The following ANKS6 variants were observed in gnomAD, a reference collection of about 807,000 sequenced individuals.
The protein encoded by ANKS6 is ankyrin repeat and SAM domain-containing protein 6.
Under a neutral mutation model 77.9 loss-of-function variants are expected in ANKS6, and 47 were observed. The observed-to-expected ratio is 0.60, with a 90% CI of 0.48 to 0.77. The LOEUF is 0.77. ANKS6 is among the 30% of genes least tolerant of loss of function. The pLI is 0.00. For missense variants in ANKS6, 1,150 were observed against 1,159.1 expected (o/e 0.99, Z 0.11); for synonymous variants, 488 against 501.7 (o/e 0.97, Z 0.37).
chr9:98,790,256 C>T lies in ANKS6; in HGVS notation c.710G>A (p.Arg237Gln), dbSNP rs771217992. 34 of 1,605,514 alleles carry T rather than the reference C, an allele frequency of 2.1e-5. No homozygotes were observed. The highest frequency in any genetic ancestry group is 5.3e-5 in the African/African-American group (4 of 74,788). The change falls in exon 2 of 15, where the codon CGG becomes CAG. Residue 237 changes from arginine (R) to glutamine (Q), a missense_variant. Transcript: ENST00000353234. ...CACCAGCTGCTGGGCCACTCCAAGCCGCCCAGTGAGTGCGGCCAGCATCAG... is the reference window on the plus strand; with the variant it reads ...CACCAGCTGCTGGGCCACTCCAAGCTGCCCAGTGAGTGCGGCCAGCATCAG... ...SPLMLAALTGRLGVAQQLVEK... is the reference protein window; with the variant it reads ...SPLMLAALTGQLGVAQQLVEK...
intron 13 of ANKS6, 103 bp downstream of exon 13, chr9:98,750,926 T>G (rs1411565076): frequency 5.7e-5 from 50 of 880,770 alleles, no homozygotes; most frequent in Non-Finnish European, 8.7e-5. Context: ...ACTGTCTCAG[T>G]GCAAGAGATC....
In ANKS6 at chr9:98,796,166, T is replaced by A. The variant is rs1221369065; in HGVS notation, c.326A>T (p.His109Leu). 2.1e-6 allele frequency: 3 copies of A among 1,412,146 alleles called. No homozygotes were observed. In the Admixed American group the frequency reaches 8.5e-5, roughly 40 times the overall value. 87.5% of individuals were successfully genotyped at this position (1,412,146 alleles called of 1,614,324 possible). A position where few individuals can be genotyped will look rare whatever the true frequency, so the allele number is the denominator to read the frequency against. ...RRGASVNSRN[H>L]YGWSALMQAA... ...CTGCATGAGCGCGCTCCAGCCGTAG[T>A]GGTTGCGGCTGTTGACCGAGGCACC... Residue 109 changes from histidine (H) to leucine (L), a missense_variant, in exon 1 of 15, where the codon CAC becomes CTC. His to Leu is a moderately conservative substitution (Grantham distance 99). Transcript: ENST00000353234.
chr9:98,753,246 G>A (rs920766525), intron 12 of ANKS6, among the ~76,000 whole-genome samples: 31 of 152,108 alleles, frequency 2.0e-4, no homozygotes, highest in Non-Finnish European at 1.2e-4. Flanking sequence ...CAGCCAAGGA[G>A]TATGGTTCCA....
intron 6 of ANKS6, among the ~76,000 whole-genome samples, chr9:98,778,939 TG>T (rs1031933994): frequency 3.3e-5 from 5 of 152,136 alleles, no homozygotes; most frequent in African/African-American, 9.7e-5. Context: ...CACTACCTCC[TG>T]GGAACGCTTG....
intron 11 of ANKS6, among the ~76,000 whole-genome samples, chr9:98,758,717 G>T (rs371981569): frequency 2.0e-5 from 3 of 152,168 alleles, no homozygotes; most frequent in African/African-American, 7.2e-5. Flanking sequence ...CACAGAGTTT[G>T]TTCTAGCATT....
chr9:98,732,309 G>A lies in ANKS6; in HGVS notation c.*4210C>T, dbSNP rs1831243855. 1.5e-6 allele frequency: 1 copy of A among 676,576 alleles called. No individual in the cohort carries two copies. The highest frequency in any genetic ancestry group is 1.8e-5 in the African/African-American group (1 of 55,196). The allele number at this position is 676,576 out of a possible 1,614,324, so 41.9% of individuals were successfully genotyped here. ...AGGCAGCTCTGAGGCAAGAATAAAA[G>A]GGACGAGTTCCCTGCCCCCTTTTTA... is the stretch of plus-strand genomic sequence containing the variant. On this transcript the variant is annotated 3_prime_UTR_variant, in exon 15 of 15. Coordinates refer to ENST00000353234, the MANE Select transcript of ANKS6 (RefSeq NM_173551.5).
chr9:98,745,464 C>T, intron 14 of ANKS6, 95 bp downstream of exon 14: 1 of 1,195,182 alleles, frequency 8.4e-7, no homozygotes, highest in Non-Finnish European at 1.2e-6. Context: ...TGCTCACTGT[C>T]AGAGAGAGGA....
chr9:98,779,961 C>T (rs190882667), intron 6 of ANKS6, among the ~76,000 whole-genome samples: 2 of 152,050 alleles, frequency 1.3e-5, no homozygotes, highest in Admixed American at 6.5e-5. Context: ...CGTGCCCGGC[C>T]GCGTGGACCC....
chr9:98,734,133 T>TC lies in ANKS6; in HGVS notation c.*2385dup. ...CCTGCCTACCAGCCGCATCCAAACA[T>TC]CCCCAGAAAGGGTGCCAGGGACCTC... On this transcript the variant is annotated 3_prime_UTR_variant, in exon 15 of 15. Coordinates refer to ENST00000353234, the MANE Select transcript of ANKS6 (RefSeq NM_173551.5). 1 of 985,322 alleles carries TC rather than the reference T, an allele frequency of 1.0e-6. No individual in the cohort carries two copies. The highest frequency in any genetic ancestry group is 1.2e-6 in the Non-Finnish European group (1 of 829,976). 61.0% of individuals were successfully genotyped at this position (985,322 alleles called of 1,614,324 possible). A position where few individuals can be genotyped will look rare whatever the true frequency, so the allele number is the denominator to read the frequency against.
chr9:98,750,073 TCA>T (rs751048151), intron 13 of ANKS6, among the ~76,000 whole-genome samples: 8 of 152,186 alleles, frequency 5.3e-5, no homozygotes, highest in Non-Finnish European at 8.8e-5. Flanking sequence ...TTTAGTATAT[TCA>T]CAGAGTTGTG....
At chr9:98,782,956 G>A (rs555458419) in intron 4 of ANKS6, among the ~76,000 whole-genome samples, 1 of 152,238 alleles carries the variant, frequency 6.6e-6, no homozygotes, top group Admixed American at 6.5e-5. Context: ...GTGTGGTGGT[G>A]CAAGTCTGTA....
At chr9:98,792,413 C>T (rs922324035) in intron 1 of ANKS6, among the ~76,000 whole-genome samples, 2 of 152,166 alleles carry the variant, frequency 1.3e-5, no homozygotes, top group Non-Finnish European at 2.9e-5. Context: ...GGACAGGGTT[C>T]CACGCATATT....
intron 1 of ANKS6, 89 bp downstream of exon 1, chr9:98,796,044 C>T: frequency 2.5e-6 from 3 of 1,221,440 alleles, no homozygotes; most frequent in Non-Finnish European, 2.1e-6. Flanking sequence ...AACTCTTCAC[C>T]TCCCGGGGCA....
At chr9:98,793,977 C>T (rs1328645552) in intron 1 of ANKS6, among the ~76,000 whole-genome samples, 9 of 150,038 alleles carry the variant, frequency 6.0e-5, no homozygotes, top group African/African-American at 1.2e-4. Flanking sequence ...CAGTGAAACC[C>T]GGTCTCTACT....
At chr9:98,773,810 C>T (rs1222196335) in intron 9 of ANKS6, 67 bp downstream of exon 9, 1 of 1,368,598 alleles carries the variant, frequency 7.3e-7, no homozygotes. Context: ...GGTCCCGCTG[C>T]CTGGAACACA....
At chr9:98,777,938 C>T (rs749397389) in intron 7 of ANKS6, among the ~76,000 whole-genome samples, 5 of 152,176 alleles carry the variant, frequency 3.3e-5, no homozygotes, top group African/African-American at 4.8e-5. Context: ...GTGGGGAAAA[C>T]CACCTATCAA....
intron 8 of ANKS6, among the ~76,000 whole-genome samples, chr9:98,776,027 T>G (rs1564208827): frequency 6.6e-6 from 1 of 152,150 alleles, no homozygotes; most frequent in Non-Finnish European, 1.5e-5. Flanking sequence ...TCAGCAATAC[T>G]GCCCTCTGCT....
At chr9:98,748,313 G>A (rs192772071) in intron 13 of ANKS6, among the ~76,000 whole-genome samples, 11 of 152,262 alleles carry the variant, frequency 7.2e-5, no homozygotes, top group Admixed American at 4.6e-4. Flanking sequence ...CACCAGAGAC[G>A]GAATTCCTCT....
Position 98,734,904 on chromosome 9 carries a change from G to A in ANKS6, c.*1615C>T. On this transcript the variant is annotated 3_prime_UTR_variant, in exon 15 of 15. Transcript: ENST00000353234. ...CTGTGGAAAGTTGGCTTCTGTGAGT[G>A]TAAGGCTGAGAGAATTTAAAGGAAA... 2.0e-6 allele frequency: 2 copies of A among 985,474 alleles called. No homozygotes were observed. Among genetic ancestry groups the A allele is most frequent in the East Asian group, 1.1e-4 (1 of 8,808 alleles). 61.0% of individuals were successfully genotyped at this position (985,474 alleles called of 1,614,324 possible).
Sources: allele counts gnomAD v4.1 joint callset (sites outside exome capture counted in the v4.1 genomes callset), GRCh38; gene constraint gnomAD v4.1.1; transcripts MANE v1.5; gene names NCBI Gene and HGNC (gene_info 2026-07-23, HGNC 2026-07-21).